CRYBB1: variants seen among roughly 807,000 people sequenced by gnomAD.
CRYBB1 encodes beta-crystallin B1.
Under a neutral mutation model 29.5 loss-of-function variants are expected in CRYBB1, and 16 were observed. The ratio of observed to expected loss-of-function variants is 0.54; its 90% CI spans 0.37 to 0.82. The LOEUF (loss-of-function observed/expected upper bound fraction) is 0.82, where lower values mean the gene tolerates loss of function less well. Among genes scored for constraint, CRYBB1 ranks in the 40% least tolerant of loss-of-function variants. The probability of loss-of-function intolerance (pLI) is 0.00; values close to 1 mark genes in which losing one functional copy is unlikely to be tolerated. For missense variants in CRYBB1, 300 were observed against 350.5 expected, an observed-to-expected ratio of 0.86 and a Z score of 1.15; for synonymous variants, 127 against 136.7, an observed-to-expected ratio of 0.93 and a Z score of 0.49.
At position 26,604,038 on chromosome 22, in the gene CRYBB1, G is replaced by A. The variant is rs375200730; in HGVS notation, c.433-2017C>T. ...ACCCTGTATCTTGTTTTTAAAGTTC[G>A]TCTGTTATTTCTGAGGGCAGGGATC... On this transcript the variant is annotated intron_variant, in intron 4 of 5. Coordinates refer to ENST00000647684, the MANE Select transcript of CRYBB1 (RefSeq NM_001887.4). Among the ~76,000 whole-genome samples, 196 of 152,296 alleles carry A rather than the reference G, an allele frequency of 1.3e-3. 2 individuals are homozygous for A. Among genetic ancestry groups the A allele is most frequent in the African/African-American group, 4.4e-3 (184 of 41,562 alleles).
At chr22:26,603,562 T>C (rs1274050974) in intron 4 of CRYBB1, among the ~76,000 whole-genome samples, 1 of 151,000 alleles carries the variant, frequency 6.6e-6, no homozygotes, top group Admixed American at 6.6e-5. Context: ...GGGTTACTAT[T>C]GCTTCGTGGG....
chr22:26,601,866 G>C lies in CRYBB1; in HGVS notation c.575+13C>G, dbSNP rs1928829734. 3 of 1,611,672 alleles carry C rather than the reference G, an allele frequency of 1.9e-6. No individual in the cohort carries two copies. The highest frequency in any genetic ancestry group is 1.7e-5 in the Admixed American group (1 of 59,976). ...GAAGCAGGGGACGCGGACCTGGCAG[G>C]AGGGATGCTTACGTTCCACTGGAGA... On this transcript the variant is annotated intron_variant, in intron 5 of 5. Transcript: ENST00000647684.
rs1929182001 is a variant in CRYBB1 at position 26,612,012 on chromosome 22, A to G, written c.299+60T>C. ...AGCAGATGCTGGAGAAATGGCAGCT[A>G]CTGTTGTGTGGTCATTTTACTGTGG... On this transcript the variant is annotated intron_variant, in intron 3 of 5. Coordinates refer to ENST00000647684, the MANE Select transcript of CRYBB1 (RefSeq NM_001887.4). 4 of 1,217,958 alleles carry G rather than the reference A, an allele frequency of 3.3e-6. No homozygotes were observed. In the South Asian group the frequency reaches 4.8e-5, roughly 15 times the overall value. 75.4% of individuals were successfully genotyped at this position (1,217,958 alleles called of 1,614,324 possible). A position where few individuals can be genotyped will look rare whatever the true frequency, so the allele number is the denominator to read the frequency against.
At position 26,607,833 on chromosome 22, in the gene CRYBB1, AC is replaced by A. The variant is rs570863370; in HGVS notation, c.432+55del. 1,116 of 1,612,702 alleles carry A rather than the reference AC, an allele frequency of 6.9e-4. 18 individuals carry two copies. In the South Asian group the frequency reaches 7.0e-3, roughly 10 times the overall value. On this transcript the variant is annotated intron_variant, in intron 4 of 5. Transcript: ENST00000647684. ...CTTGCCCTTGTCAGATCTCAGACTT[AC>A]ACCTGCCCTGCCCCGCCTGGCTGAT...
Position 26,612,133 on chromosome 22 carries a change from A to G in CRYBB1, c.238T>C (p.Cys80Arg). 2 of 1,613,176 alleles carry G rather than the reference A, an allele frequency of 1.2e-6. No homozygotes were observed. The highest frequency in any genetic ancestry group is 1.7e-6 in the Non-Finnish European group (2 of 1,179,806). The change falls in exon 3 of 6, where the codon TGC becomes CGC. Residue 80 changes from cysteine (C) to arginine (R), a missense_variant. By Grantham distance (180) the Cys-to-Arg change is radical. Transcript: ENST00000647684. Reference protein sequence around the residue: ...QGRRAEFSGECSNLADRGFDR... With the variant: ...QGRRAEFSGERSNLADRGFDR... ...AAGCCACGGTCTGCCAGATTTGAGC[A>G]CTCCCCCGAGAATTCTGCTCGACGG...
At position 26,602,007 on chromosome 22, in the gene CRYBB1, G is replaced by T. The variant is rs1703357052; in HGVS notation, c.447C>A (p.His149Gln). The change falls in exon 5 of 6, where the codon CAC becomes CAA. Residue 149 changes from histidine (H) to glutamine (Q), a missense_variant. By Grantham distance (24) the His-to-Gln change is conservative. Transcript: ENST00000647684. The stretch of plus-strand genomic sequence containing the variant: ...TGGCCCCTTCAAACAGGGAGATTTT[G>T]TGCTCCTGGGCATCCTGGGGAAAGA... ...FRPIKMDAQE[H>Q]KISLFEGANF... The T allele has an allele frequency of 6.2e-7, 1 of 1,613,776 alleles. No individual in the cohort carries two copies. Among genetic ancestry groups the T allele is most frequent in the African/African-American group, 1.3e-5 (1 of 75,006 alleles).
At chr22:26,609,607 G>A (rs1253743368) in intron 3 of CRYBB1, among the ~76,000 whole-genome samples, 2 of 152,290 alleles carry the variant, frequency 1.3e-5, no homozygotes, top group African/African-American at 2.4e-5. Flanking sequence ...GGGTACGTGT[G>A]TATAAATGGA....
At chr22:26,599,749 C>T in intron 5 of CRYBB1, 76 bp from the exon 6 acceptor site, 1 of 1,162,964 alleles carries the variant, frequency 8.6e-7, no homozygotes, top group Non-Finnish European at 1.3e-6. Context: ...GCCAGACCAG[C>T]CTGTCCTTCA....
chr22:26,604,440 G>A (rs528770732), intron 4 of CRYBB1, among the ~76,000 whole-genome samples: 38 of 152,342 alleles, frequency 2.5e-4, no homozygotes, highest in African/African-American at 6.3e-4. Context: ...AGCCCAGAAC[G>A]TAAGTGCATC....
At chr22:26,611,457 T>TTTG (rs1929156972) in intron 3 of CRYBB1, among the ~76,000 whole-genome samples, 2 of 135,052 alleles carry the variant, frequency 1.5e-5, no homozygotes, top group African/African-American at 2.6e-5. Context: ...AGAGTTTGTT[T>TTTG]TTTTTTTTTT....
At chr22:26,603,794 C>G (rs1928895650) in intron 4 of CRYBB1, among the ~76,000 whole-genome samples, 1 of 149,542 alleles carries the variant, frequency 6.7e-6, no homozygotes. Flanking sequence ...CGTGGTGGCA[C>G]GCACCTGTAG....
At chr22:26,610,122 T>C (rs1027057753) in intron 3 of CRYBB1, among the ~76,000 whole-genome samples, 2 of 152,338 alleles carry the variant, frequency 1.3e-5, no homozygotes, top group East Asian at 3.9e-4. Context: ...TAAATGTTTA[T>C]ATCTATGCCT....
chr22:26,601,870 G>A lies in CRYBB1; in HGVS notation c.575+9C>T. 2 of 1,611,820 alleles carry A rather than the reference G, an allele frequency of 1.2e-6. No individual in the cohort carries two copies. Among genetic ancestry groups the A allele is most frequent in the Non-Finnish European group, 1.7e-6 (2 of 1,179,822 alleles). ...CAGGGGACGCGGACCTGGCAGGAGG[G>A]ATGCTTACGTTCCACTGGAGACCTT... On this transcript the variant is annotated intron_variant, in intron 5 of 5. Transcript: ENST00000647684.
intron 4 of CRYBB1, among the ~76,000 whole-genome samples, chr22:26,603,862 T>G (rs971563442): frequency 6.6e-6 from 1 of 152,072 alleles, no homozygotes; most frequent in Non-Finnish European, 1.5e-5. Flanking sequence ...AGGCAGAGGT[T>G]GCAGTGAGCC....
chr22:26,616,182 A>T lies in CRYBB1; in HGVS notation c.138T>A (p.Ile46=), dbSNP rs749310843. The change falls in exon 2 of 6, where the codon ATT becomes ATA. Residue 46 remains isoleucine, a synonymous_variant. Coordinates refer to ENST00000647684, the MANE Select transcript of CRYBB1 (RefSeq NM_001887.4). Reference sequence around the variant, plus strand: ...GCAGTTCCGCCGCCTTGGCGCTGGTAATAGGCACGGTTGTTGGGGCCAGGG... The same window carrying T: ...GCAGTTCCGCCGCCTTGGCGCTGGTTATAGGCACGGTTGTTGGGGCCAGGG... The part of the protein sequence containing the change: ...GTTLAPTTVP[I]TSAKAAELPP... 3 of 1,614,064 alleles carry T rather than the reference A, an allele frequency of 1.9e-6. No individual in the cohort carries two copies. Among genetic ancestry groups the T allele is most frequent in the Non-Finnish European group, 2.5e-6 (3 of 1,180,032 alleles).
rs728786 is a variant in CRYBB1 at position 26,601,798 on chromosome 22, T to G, written c.575+81A>C. On this transcript the variant is annotated intron_variant, in intron 5 of 5. Transcript: ENST00000647684. Reference sequence around the variant, plus strand: ...CATGGCCTTCTCTAGGAATCTGATGTTATAACCTGTAAGGGGAGCAGCCTC... The same window carrying G: ...CATGGCCTTCTCTAGGAATCTGATGGTATAACCTGTAAGGGGAGCAGCCTC... The G allele has an allele frequency of 1.9e-6, 3 of 1,602,088 alleles. No homozygotes were observed. In the African/African-American group the frequency reaches 4.0e-5, roughly 21 times the overall value.
Position 26,616,340 on chromosome 22 carries a change from T to A in CRYBB1, c.-19-2A>T. The stretch of plus-strand genomic sequence containing the variant: ...GACATGGTTCCCGCCTGCAAAAGTC[T>A]GTAAAGAAACTCTGGCCTTCAGGGA... On this transcript the variant is annotated splice_acceptor_variant, in intron 1 of 5. Coordinates refer to ENST00000647684, the MANE Select transcript of CRYBB1 (RefSeq NM_001887.4). LOFTEE classifies it low-confidence loss of function (5UTR_SPLICE). 1 of 1,609,072 alleles carries A rather than the reference T, an allele frequency of 6.2e-7. No individual in the cohort carries two copies.
rs756185683 is a variant in CRYBB1, at chr22:26,599,446, A to C, written c.*44T>G. 13 of 1,560,268 alleles carry C rather than the reference A, an allele frequency of 8.3e-6. No homozygotes were observed. Among genetic ancestry groups the C allele is most frequent in the Non-Finnish European group, 1.1e-5 (13 of 1,146,358 alleles). ...TGGGAAAAATGGGGGAAATAATTGA[A>C]CATGAAGAAGGGTTGGGGCAAGGTA... is the stretch of plus-strand genomic sequence containing the variant. On this transcript the variant is annotated 3_prime_UTR_variant, in exon 6 of 6. Transcript: ENST00000647684.
chr22:26,614,804 C>T (rs1299175729), intron 2 of CRYBB1, among the ~76,000 whole-genome samples: 1 of 152,090 alleles, frequency 6.6e-6, no homozygotes. Context: ...CAAAACCCGT[C>T]TCATAATTCG....
Sources: allele counts gnomAD v4.1 joint callset (sites outside exome capture counted in the v4.1 genomes callset), GRCh38; gene constraint gnomAD v4.1.1; transcripts MANE v1.5; gene names NCBI Gene and HGNC (gene_info 2026-07-23, HGNC 2026-07-21).